GPC5: variants seen among roughly 807,000 people sequenced by gnomAD.
The protein encoded by GPC5 is glypican-5.
Under a neutral mutation model 53.9 loss-of-function variants are expected in GPC5, and 47 were observed. That is an observed-to-expected ratio of 0.87 (90% CI 0.69 to 1.11). GPC5 has a LOEUF of 1.11. GPC5 is among the 50% of genes most tolerant of loss of function. GPC5 has a pLI of 0.00. For missense variants in GPC5, 748 were observed against 713.1 expected, an observed-to-expected ratio of 1.05 and a Z score of -0.56; for synonymous variants, 286 against 263.3, an observed-to-expected ratio of 1.09 and a Z score of -0.84.
At chr13:91,801,701 C>T (rs1004459350) in intron 5 of GPC5, among the ~76,000 whole-genome samples, 4 of 152,162 alleles carry the variant, frequency 2.6e-5, no homozygotes, top group Non-Finnish European at 4.4e-5. Context: ...TTCCTACGTA[C>T]TTAGCATTGT....
chr13:91,455,866 T>C (rs2139122424), intron 2 of GPC5, among the ~76,000 whole-genome samples: 1 of 152,224 alleles, frequency 6.6e-6, no homozygotes, highest in East Asian at 1.9e-4. Flanking sequence ...AACCCACTCA[T>C]GATGTATGTG....
At chr13:91,944,105 T>C (rs1245810815) in intron 6 of GPC5, among the ~76,000 whole-genome samples, 4 of 150,978 alleles carry the variant, frequency 2.6e-5, no homozygotes, top group Middle Eastern at 3.4e-3. Flanking sequence ...ATTTCTTTCT[T>C]TTTTTTTTAA....
chr13:91,582,192 G>A (rs770761181), intron 2 of GPC5, among the ~76,000 whole-genome samples: 1 of 152,106 alleles, frequency 6.6e-6, no homozygotes, highest in African/African-American at 2.4e-5. Context: ...CTTGTCCTTA[G>A]GTGTAAGCTA....
chr13:91,794,572 G>A (rs2038019029), intron 5 of GPC5, among the ~76,000 whole-genome samples: 1 of 152,194 alleles, frequency 6.6e-6, no homozygotes, highest in South Asian at 2.1e-4. Flanking sequence ...GGAATTTTAG[G>A]AGAGATGGCT....
intron 2 of GPC5, among the ~76,000 whole-genome samples, chr13:91,550,030 G>A (rs2138815073): frequency 6.6e-6 from 1 of 152,200 alleles, no homozygotes; most frequent in South Asian, 2.1e-4. Context: ...GTGAAATGTG[G>A]TACATGTAGA....
At position 91,654,347 on chromosome 13, in the gene GPC5, T is replaced by A. The variant is rs6492559; in HGVS notation, c.326-38840T>A. 5.3e-3 allele frequency among the ~76,000 whole-genome samples: 809 copies of A among 152,278 alleles called. 3 individuals carry two copies. Among genetic ancestry groups the A allele is most frequent in the African/African-American group, 0.019 (776 of 41,578 alleles). The stretch of plus-strand genomic sequence containing the variant: ...TACATTGACCACTGTATAATTTTTT[T>A]AAAAATGGAAAATTCACAAATATGC... On this transcript the variant is annotated intron_variant, in intron 2 of 7. Coordinates refer to ENST00000377067, the MANE Select transcript of GPC5 (RefSeq NM_004466.6).
At chr13:92,186,042 C>A (rs1420098582) in intron 7 of GPC5, among the ~76,000 whole-genome samples, 1 of 151,920 alleles carries the variant, frequency 6.6e-6, no homozygotes, top group East Asian at 1.9e-4. Flanking sequence ...AGTATAAAAT[C>A]AGATATTATG....
At chr13:92,757,324 A>T (rs1216419811) in intron 7 of GPC5, among the ~76,000 whole-genome samples, 2 of 152,224 alleles carry the variant, frequency 1.3e-5, no homozygotes, top group Non-Finnish European at 2.9e-5. Flanking sequence ...TTATACAAAA[A>T]TCAATTCAAG....
chr13:91,983,646 A>AT (rs2040381116), intron 6 of GPC5, among the ~76,000 whole-genome samples: 2 of 152,138 alleles, frequency 1.3e-5, no homozygotes, highest in Non-Finnish European at 2.9e-5. Context: ...AAATTGCAGC[A>AT]TTTTCTAATG....
At chr13:92,496,725 A>C (rs1320357081) in intron 7 of GPC5, among the ~76,000 whole-genome samples, 1 of 152,178 alleles carries the variant, frequency 6.6e-6, no homozygotes, top group East Asian at 1.9e-4. Context: ...CACAGCATGC[A>C]TACAGACAGA....
intron 4 of GPC5, among the ~76,000 whole-genome samples, chr13:91,753,626 T>C (rs2037226734): frequency 6.6e-6 from 1 of 152,194 alleles, no homozygotes; most frequent in South Asian, 2.1e-4. Context: ...TCCAACTGCC[T>C]TTTGAATAAA....
chr13:91,415,918 A>AT (rs1012481687), intron 1 of GPC5, among the ~76,000 whole-genome samples: 6 of 151,956 alleles, frequency 3.9e-5, no homozygotes, highest in Admixed American at 6.6e-5. Context: ...TATCACATTA[A>AT]TTTTTTTTAC....
intron 7 of GPC5, among the ~76,000 whole-genome samples, chr13:92,196,067 CTAAT>C: frequency 6.6e-6 from 1 of 152,080 alleles, no homozygotes; most frequent in Non-Finnish European, 1.5e-5. Flanking sequence ...CAGCGGAAAA[CTAAT>C]TAAAGTTAAT....
intron 7 of GPC5, among the ~76,000 whole-genome samples, chr13:92,232,538 T>C (rs2042538504): frequency 6.6e-6 from 1 of 152,238 alleles, no homozygotes; most frequent in Admixed American, 6.5e-5. Context: ...CTAATGGATA[T>C]GTATTGGTAT....
At chr13:92,703,052 A>ATATATTTATTTATTTATT (rs997997917) in intron 7 of GPC5, among the ~76,000 whole-genome samples, 1 of 145,772 alleles carries the variant, frequency 6.9e-6, no homozygotes, top group African/African-American at 2.5e-5. Flanking sequence ...GCATATATAT[A>ATATATTTATTTATTTATT]TATTTATTTA....
chr13:92,204,428 C>T (rs1465430371), intron 7 of GPC5, among the ~76,000 whole-genome samples: 1 of 152,150 alleles, frequency 6.6e-6, no homozygotes, highest in Non-Finnish European at 1.5e-5. Context: ...CAAGAACTAG[C>T]CAAACTCCAA....
chr13:91,511,936 G>C (rs1274022890), intron 2 of GPC5, among the ~76,000 whole-genome samples: 2 of 152,016 alleles, frequency 1.3e-5, no homozygotes, highest in Non-Finnish European at 2.9e-5. Context: ...TAAAAGAATA[G>C]GGGAGACTGA....
intron 6 of GPC5, among the ~76,000 whole-genome samples, chr13:92,144,087 A>G (rs182288914): frequency 2.8e-4 from 42 of 152,236 alleles, no homozygotes; most frequent in African/African-American, 9.6e-4. Flanking sequence ...TTATAACATC[A>G]CCTTTCTGAA....
At chr13:91,864,892 A>G (rs1384897540) in intron 5 of GPC5, among the ~76,000 whole-genome samples, 3 of 150,354 alleles carry the variant, frequency 2.0e-5, no homozygotes, top group African/African-American at 7.3e-5. Context: ...TTTTGTCTTA[A>G]TTTTCTTTCT....
Sources: gnomAD v4.1 joint callset for allele counts (sites outside exome capture counted in the v4.1 genomes callset) on GRCh38, gnomAD v4.1.1 for gene constraint, MANE v1.5 for transcripts, NCBI Gene and HGNC (gene_info 2026-07-23, HGNC 2026-07-21) for gene names.